The following ERCC2 variants were observed in gnomAD, a reference collection of about 807,000 sequenced individuals.
ERCC2 encodes general transcription and DNA repair factor IIH helicase subunit XPD.
A neutral mutation model predicts 99.4 loss-of-function variants in ERCC2; 90 were observed. The ratio of observed to expected loss-of-function variants is 0.91; its 90% CI spans 0.76 to 1.08. The LOEUF (loss-of-function observed/expected upper bound fraction) is 1.08. Ranked by LOEUF, ERCC2 falls within the 50% of genes least tolerant of loss-of-function variation. The probability of loss-of-function intolerance (pLI) is 0.00; values close to 1 mark genes in which losing one functional copy is unlikely to be tolerated. For synonymous variants in ERCC2, 497 were observed against 432.4 expected (o/e 1.15, Z -1.85); for missense variants, 993 against 1,038.1 (o/e 0.96, Z 0.60).
At chr19:45,354,244 C>T (rs1971934617) in intron 17 of ERCC2, among the ~76,000 whole-genome samples, 1 of 152,218 alleles carries the variant, frequency 6.6e-6, no homozygotes, top group Admixed American at 6.5e-5. Context: ...GTGGTGAGCC[C>T]TGTTTCCAGA....
intron 2 of ERCC2, among the ~76,000 whole-genome samples, chr19:45,369,904 G>A (rs1341514697): frequency 6.6e-6 from 1 of 152,194 alleles, no homozygotes; most frequent in African/African-American, 2.4e-5. Flanking sequence ...TCCAACTCCT[G>A]ACCTCAAGTG....
chr19:45,370,339 G>C, intron 1 of ERCC2, 107 bp from the exon 2 acceptor site: 1 of 1,541,784 alleles, frequency 6.5e-7, no homozygotes, highest in Non-Finnish European at 8.8e-7. Context: ...CGGCGCCCCC[G>C]GTAACCCTCA....
rs760164917 is a variant in ERCC2 at position 45,351,270 on chromosome 19, CTGTGCCT to C, written c.*352_*358del. ...CCCTCACCTCCCCTCCAACCATCCC[CTGTGCCT>C]GTCTCCAGTTTCCCAGCTGGCACCT... On this transcript the variant is annotated 3_prime_UTR_variant, in exon 23 of 23. Transcript: ENST00000391945. The C allele has an allele frequency of 2.4e-5, 38 of 1,611,698 alleles. No homozygotes were observed. In the South Asian group the frequency reaches 2.4e-4, roughly 10 times the overall value.
At chr19:45,352,947 CAG>C in intron 19 of ERCC2, 131 bp from the exon 20 acceptor site, 2 of 1,228,378 alleles carry the variant, frequency 1.6e-6, no homozygotes, top group Non-Finnish European at 2.4e-6. Context: ...TGCCTAGGGA[CAG>C]AGGGGAGGGG....
rs1056524053 is a variant in ERCC2, at chr19:45,350,197, G to C, written c.*1432C>G. ...AACACTTTGGGAGGCCAAGGCAGGA[G>C]GATCACTTGAGGCTAGGAGTTCAAG... is the stretch of plus-strand genomic sequence containing the variant. On this transcript the variant is annotated 3_prime_UTR_variant, in exon 23 of 23. Transcript: ENST00000391945. The C allele has an allele frequency of 7.8e-6, 5 of 640,358 alleles. No homozygotes were observed. Among genetic ancestry groups the C allele is most frequent in the Non-Finnish European group, 1.3e-5 (5 of 371,006 alleles). 39.7% of individuals were successfully genotyped at this position (640,358 alleles called of 1,614,324 possible). A position where few individuals can be genotyped will look rare whatever the true frequency, so the allele number is the denominator to read the frequency against.
intron 11 of ERCC2, chr19:45,361,907 C>T (rs1407852403): frequency 4.4e-5 from 21 of 476,322 alleles, no homozygotes; most frequent in Middle Eastern, 3.1e-4. Context: ...CCTGCTAGCA[C>T]GACCTCCTAA....
rs201392911 is a variant in ERCC2 at position 45,352,316 on chromosome 19, G to A, written c.2083C>T (p.Arg695Cys). The A allele has an allele frequency of 1.7e-4, 280 of 1,614,088 alleles. No individual in the cohort carries two copies. Among genetic ancestry groups the A allele is most frequent in the Admixed American group, 2.2e-4 (13 of 60,018 alleles). The change falls in exon 22 of 23, where the codon CGC becomes TGC. Residue 695 changes from arginine to cysteine, a missense_variant. Coordinates refer to ENST00000391945, the MANE Select transcript of ERCC2 (RefSeq NM_000400.4). ...TCTGTGAGGTGCTCCTGGATCCAGCGGGGCAGCTTCCCCCGCTTGTCCCCA... is the reference window on the plus strand; with the variant it reads ...TCTGTGAGGTGCTCCTGGATCCAGCAGGGCAGCTTCCCCCGCTTGTCCCCA... ...ARGDKRGKLP[R>C]WIQEHLTDAN...
chr19:45,355,554 G>A, intron 16 of ERCC2, 111 bp downstream of exon 16: 2 of 1,011,126 alleles, frequency 2.0e-6, no homozygotes, highest in Middle Eastern at 4.1e-4. Context: ...GGAAACTCTG[G>A]GCTGAGCAAC....
intron 17 of ERCC2, among the ~76,000 whole-genome samples, chr19:45,354,038 G>A (rs888205601): frequency 4.6e-5 from 7 of 152,202 alleles, no homozygotes; most frequent in African/African-American, 7.2e-5. Flanking sequence ...GCACAAGGCC[G>A]ATGTCCTGGC....
In ERCC2 at chr19:45,353,269, G is replaced by A; in HGVS notation, c.1731C>T (p.Thr577=). Residue 577 remains threonine (T), a synonymous_variant, in exon 18 of 23, where the codon ACC becomes ACT. Coordinates refer to ENST00000391945, the MANE Select transcript of ERCC2 (RefSeq NM_000400.4). ...CCTGGTACTTCTCCAGGGCGACACT[G>A]GTTTCGGCACCATCCTGGGTCTCAA... ...LFIETQDGAE[T]SVALEKYQEA... The A allele has an allele frequency of 1.2e-6, 2 of 1,613,968 alleles. No homozygotes were observed. Among genetic ancestry groups the A allele is most frequent in the Non-Finnish European group, 1.7e-6 (2 of 1,179,950 alleles).
chr19:45,364,876 G>A lies in ERCC2; in HGVS notation c.556C>T (p.Arg186Cys), dbSNP rs143960980. ...AGGAAGTATGGGCACCAGCCCTGGC[G>A]CCGCCCCAGGGCCTTCAGGTCATCC... ...NLDDLKALGR[R>C]QGWCPYFLAR... Residue 186 changes from arginine to cysteine, a missense_variant, in exon 7 of 23, where the codon CGC becomes TGC. Around this residue, in one of 3 missense-constraint regions of ERCC2, gnomAD observed 909 missense variants for 930.8 expected, o/e 0.98. Transcript: ENST00000391945. 2.0e-5 allele frequency: 32 copies of A among 1,614,032 alleles called. No homozygotes were observed. Among genetic ancestry groups the A allele is most frequent in the South Asian group, 6.6e-5 (6 of 91,072 alleles).
chr19:45,363,997 T>G lies in ERCC2; in HGVS notation c.938A>C (p.Glu313Ala). 6.5e-7 allele frequency: 1 copy of G among 1,543,062 alleles called. No homozygotes were observed. Among genetic ancestry groups the G allele is most frequent in the South Asian group, 1.2e-5 (1 of 84,406 alleles). The stretch of plus-strand genomic sequence containing the variant: ...GGGTCGGGGCTCACCCTGCAGCACT[T>G]CGTCGGGCAGCACGGGGTTGGCCAG... Reference protein sequence around the residue: ...AHLANPVLPDEVLQEAVPGSI... With the variant: ...AHLANPVLPDAVLQEAVPGSI... Residue 313 changes from glutamate to alanine, a missense_variant, in exon 10 of 23, where the codon GAA becomes GCA. By Grantham distance (107) the Glu-to-Ala change is moderately radical (BLOSUM62 -1). Transcript: ENST00000391945.
rs1239805658 is a variant in ERCC2 at position 45,364,348 on chromosome 19, G to A, written c.719-17C>T. The stretch of plus-strand genomic sequence containing the variant: ...AGACGTTGTCTGGAGAAGGGGGAGA[G>A]AGCCGGCTCAGGCAGGCCTGCAGGG... On this transcript the variant is annotated splice_polypyrimidine_tract_variant and intron_variant, in intron 8 of 22. Coordinates refer to ENST00000391945, the MANE Select transcript of ERCC2 (RefSeq NM_000400.4). 2 of 1,613,934 alleles carry A rather than the reference G, an allele frequency of 1.2e-6. No homozygotes were observed. The highest frequency in any genetic ancestry group is 8.5e-7 in the Non-Finnish European group (1 of 1,179,988).
Position 45,357,455 on chromosome 19 carries a change from G to A in ERCC2, c.1377+19C>T. ...GGAGGGAGGTCAGGGACTAGGAGGG[G>A]ACGGGGAAGGGTCCTTACCCCAGAT... is the stretch of plus-strand genomic sequence containing the variant. On this transcript the variant is annotated intron_variant, in intron 14 of 22. Coordinates refer to ENST00000391945, the MANE Select transcript of ERCC2 (RefSeq NM_000400.4). 1 of 1,613,170 alleles carries A rather than the reference G, an allele frequency of 6.2e-7. No individual in the cohort carries two copies. Among genetic ancestry groups the A allele is most frequent in the Non-Finnish European group, 8.5e-7 (1 of 1,179,086 alleles).
In ERCC2 at chr19:45,350,726, AGGC is replaced by A. The variant is rs758554856; in HGVS notation, c.*900_*902del. On this transcript the variant is annotated 3_prime_UTR_variant, in exon 23 of 23. Transcript: ENST00000391945. Reference sequence around the variant, plus strand: ...AAGCTGGTCTCCCGGCTCCGAGGCGAGGCGGCGGCAGGAGCAGCCGGGTGAGTG... The same window carrying A: ...AAGCTGGTCTCCCGGCTCCGAGGCGAGGCGGCAGGAGCAGCCGGGTGAGTG... The A allele has an allele frequency of 6.8e-5, 110 of 1,612,726 alleles. No homozygotes were observed. In the African/African-American group the frequency reaches 1.2e-3, roughly 18 times the overall value.
rs570963302 is a variant in ERCC2 at position 45,362,480 on chromosome 19, AACC to A, written c.1119-841_1119-839del. ...CGCATGTGCAGGGCCACTCGGCCAC[AACC>A]ACACACAGGCAGGGCCGAGGCAGGG... On this transcript the variant is annotated intron_variant, in intron 11 of 22. Coordinates refer to ENST00000391945, the MANE Select transcript of ERCC2 (RefSeq NM_000400.4). Among the ~76,000 whole-genome samples the A allele has an allele frequency of 9.2e-5, 14 of 152,344 alleles. No homozygotes were observed. In the South Asian group the frequency reaches 2.9e-3, roughly 32 times the overall value.
intron 13 of ERCC2, 35 bp from the exon 14 acceptor site, chr19:45,357,578 G>C: frequency 3.1e-6 from 5 of 1,612,448 alleles, no homozygotes; most frequent in Non-Finnish European, 3.4e-6. Flanking sequence ...GGCCCGGGGG[G>C]CTGGGCCCCC....
chr19:45,354,409 G>C (rs1301387775), intron 17 of ERCC2, among the ~76,000 whole-genome samples: 1 of 152,220 alleles, frequency 6.6e-6, no homozygotes. Flanking sequence ...CAGGCCATCT[G>C]TGCTGGAGGA....
rs371621730 is a variant in ERCC2, at chr19:45,370,563, G to T, written c.-23C>A. 5 of 1,591,530 alleles carry T rather than the reference G, an allele frequency of 3.1e-6. No individual in the cohort carries two copies. Among genetic ancestry groups the T allele is most frequent in the Non-Finnish European group, 8.5e-7 (1 of 1,174,348 alleles). On this transcript the variant is annotated 5_prime_UTR_variant, in exon 1 of 23. Coordinates refer to ENST00000391945, the MANE Select transcript of ERCC2 (RefSeq NM_000400.4). Reference sequence around the variant, plus strand: ...CATGGCGCCGGCCGGACTGTGCAGCGGGGTCGACCCGCCTCCCTCATGAAT... The same window carrying T: ...CATGGCGCCGGCCGGACTGTGCAGCTGGGTCGACCCGCCTCCCTCATGAAT...
Sources: gnomAD v4.1 joint callset for allele counts (sites outside exome capture counted in the v4.1 genomes callset) on GRCh38, gnomAD v4.1.1 for gene constraint, gnomAD v4.1.1 regional missense constraint, MANE v1.5 for transcripts, NCBI Gene and HGNC (gene_info 2026-07-23, HGNC 2026-07-21) for gene names.